The following CASC3 variants were observed in gnomAD, a reference collection of about 807,000 sequenced individuals.
The protein encoded by CASC3 is CASC3 exon junction complex subunit.
A neutral mutation model predicts 80.5 loss-of-function variants in CASC3; 30 were observed. The ratio of observed to expected loss-of-function variants is 0.37; its 90% CI spans 0.28 to 0.51. The LOEUF is 0.51. Ranked by LOEUF, CASC3 falls within the 20% of genes least tolerant of loss-of-function variation. The probability of loss-of-function intolerance (pLI) is 0.94; values close to 1 mark genes in which losing one functional copy is unlikely to be tolerated. For missense variants in CASC3, 824 were observed against 922.2 expected (o/e 0.89, Z 1.38); for synonymous variants, 312 against 333.6 (o/e 0.94, Z 0.70).
rs150707868 is a variant in CASC3 at position 40,165,493 on chromosome 17, C to T, written c.1472-1304C>T. ...ACAGATGGAAGACACTGCACCTGCCCGGTCATCATTGAGCCTCCTGAGTAC... is the reference window on the plus strand; with the variant it reads ...ACAGATGGAAGACACTGCACCTGCCTGGTCATCATTGAGCCTCCTGAGTAC... On this transcript the variant is annotated intron_variant, in intron 7 of 13. Coordinates refer to ENST00000264645, the MANE Select transcript of CASC3 (RefSeq NM_007359.5). 3.8e-3 allele frequency among the ~76,000 whole-genome samples: 578 copies of T among 152,152 alleles called. 7 individuals are homozygous for T. Among genetic ancestry groups the T allele is most frequent in the African/African-American group, 0.012 (486 of 41,512 alleles).
At chr17:40,142,286 A>G (rs1170903934) in intron 3 of CASC3, among the ~76,000 whole-genome samples, 1 of 152,262 alleles carries the variant, frequency 6.6e-6, no homozygotes, top group Non-Finnish European at 1.5e-5. Context: ...TCCTATCTTT[A>G]GAGATCTTAC....
At chr17:40,140,940 G>A in intron 1 of CASC3, 161 bp downstream of exon 1, 1 of 649,918 alleles carries the variant, frequency 1.5e-6, no homozygotes, top group South Asian at 2.1e-5. Flanking sequence ...TTTGCATCCG[G>A]AGTTCCAAGG....
intron 3 of CASC3, among the ~76,000 whole-genome samples, chr17:40,156,586 G>A (rs1000708521): frequency 4.6e-5 from 7 of 152,102 alleles, no homozygotes; most frequent in Non-Finnish European, 1.0e-4. Context: ...CTACTTGGGA[G>A]GCTGAGGCAG....
intron 8 of CASC3, 112 bp from the exon 9 acceptor site, chr17:40,167,386 T>C (rs991178462): frequency 1.0e-5 from 7 of 669,836 alleles, no homozygotes; most frequent in Non-Finnish European, 1.6e-5. Context: ...TTTGCAAATA[T>C]CCATTAAATA....
chr17:40,162,934 G>C, intron 6 of CASC3, 33 bp downstream of exon 6: 2 of 1,600,870 alleles, frequency 1.2e-6, no homozygotes, highest in Middle Eastern at 1.7e-4. Flanking sequence ...GACCAGGCTG[G>C]GTATGGTGGC....
Position 40,162,631 on chromosome 17 carries a change from A to C in CASC3, c.609-94A>C, listed in dbSNP as rs980471505. On this transcript the variant is annotated intron_variant, in intron 5 of 13. Transcript: ENST00000264645. ...GATGAGGAGACTACGTAAAGTTCCT[A>C]TTGTCCCCCTGCCTCCCTGACCCAT... is the stretch of plus-strand genomic sequence containing the variant. The C allele has an allele frequency of 3.4e-6, 4 of 1,163,622 alleles. No homozygotes were observed. The Admixed American group carries it at 8.9e-5, about 26-fold the overall frequency. 72.1% of individuals were successfully genotyped at this position (1,163,622 alleles called of 1,614,324 possible).
intron 3 of CASC3, among the ~76,000 whole-genome samples, chr17:40,157,117 G>A (rs1007401525): frequency 7.2e-5 from 11 of 152,086 alleles, no homozygotes; most frequent in African/African-American, 2.4e-4. Flanking sequence ...AGGCCGAGGC[G>A]GGTGGATCAC....
intron 3 of CASC3, among the ~76,000 whole-genome samples, chr17:40,157,610 GGT>G (rs917784236): frequency 1.3e-5 from 2 of 152,126 alleles, no homozygotes; most frequent in African/African-American, 4.8e-5. Context: ...AGGAGGTGGA[GGT>G]TGCAGTGAGC....
chr17:40,144,089 C>A (rs1321143811), intron 3 of CASC3, among the ~76,000 whole-genome samples: 1 of 151,652 alleles, frequency 6.6e-6, no homozygotes, highest in Non-Finnish European at 1.5e-5. Context: ...CATTTTCAGT[C>A]TCTACTGAAA....
At chr17:40,157,084 G>T (rs1434926177) in intron 3 of CASC3, among the ~76,000 whole-genome samples, 1 of 152,088 alleles carries the variant, frequency 6.6e-6, no homozygotes, top group Non-Finnish European at 1.5e-5. Flanking sequence ...GGTGGCTCAC[G>T]CCTGTAATCC....
intron 3 of CASC3, among the ~76,000 whole-genome samples, chr17:40,152,491 T>C (rs1336571037): frequency 2.6e-5 from 4 of 151,702 alleles, no homozygotes; most frequent in African/African-American, 7.3e-5. Context: ...CCAGCTAGTT[T>C]TGTATTTTTA....
intron 6 of CASC3, among the ~76,000 whole-genome samples, chr17:40,163,130 C>T (rs1177816326): frequency 6.6e-6 from 1 of 150,916 alleles, no homozygotes; most frequent in Non-Finnish European, 1.5e-5. Context: ...ATTCTCTTTG[C>T]TTTTCTTTTT....
At chr17:40,169,021 C>A in intron 11 of CASC3, 1 of 292,478 alleles carries the variant, frequency 3.4e-6, no homozygotes, top group Non-Finnish European at 6.3e-6. Flanking sequence ...TGCTTAACTT[C>A]CACCACGTTG....
At chr17:40,161,116 A>G (rs1352264216) in intron 3 of CASC3, among the ~76,000 whole-genome samples, 2 of 151,492 alleles carry the variant, frequency 1.3e-5, no homozygotes, top group Non-Finnish European at 2.9e-5. Context: ...AGCAGCTGGG[A>G]TTACAGGTGC....
chr17:40,168,956 T>C (rs1000230553), intron 11 of CASC3: 8 of 203,262 alleles, frequency 3.9e-5, no homozygotes, highest in Admixed American at 1.6e-4. Context: ...ACCTGGTTTT[T>C]ACTCTATTGC....
chr17:40,142,919 C>T (rs976230676), intron 3 of CASC3, among the ~76,000 whole-genome samples: 2 of 150,228 alleles, frequency 1.3e-5, no homozygotes, highest in African/African-American at 2.4e-5. Context: ...AAACCCATCT[C>T]TACTAAAAAA....
chr17:40,140,607 C>T lies in CASC3; in HGVS notation c.59C>T (p.Ala20Val), dbSNP rs1009937642. The T allele has an allele frequency of 1.2e-6, 2 of 1,610,980 alleles. No individual in the cohort carries two copies. The highest frequency in any genetic ancestry group is 1.7e-6 in the Non-Finnish European group (2 of 1,179,464). The change falls in exon 1 of 14, where the codon GCT becomes GTT. Residue 20 changes from alanine to valine, a missense_variant. Ala to Val is a moderately conservative substitution (Grantham distance 64). Transcript: ENST00000264645. ...SQDTEDEESG[A>V]SGSDSGGSPL... ...GACACCGAGGACGAGGAATCTGGTGCTTCGGGCTCCGACAGCGGCGGCTCC... is the reference window on the plus strand; with the variant it reads ...GACACCGAGGACGAGGAATCTGGTGTTTCGGGCTCCGACAGCGGCGGCTCC...
chr17:40,161,811 C>A lies in CASC3; in HGVS notation c.356C>A (p.Ala119Asp). ...TCCAAAGTGGAGCTGAAATCAGAAG[C>A]TAATGATGCTGTTAATTCTTCAACA... ...ENSKVELKSE[A>D]NDAVNSSTKE... Residue 119 changes from alanine to aspartate, a missense_variant, in exon 4 of 14, where the codon GCT becomes GAT. Physicochemically the swap from Ala to Asp is moderately radical, Grantham distance 126. Transcript: ENST00000264645. 6.2e-7 allele frequency: 1 copy of A among 1,614,058 alleles called. No homozygotes were observed. The highest frequency in any genetic ancestry group is 8.5e-7 in the Non-Finnish European group (1 of 1,179,974).
At chr17:40,140,991 C>T (rs769855586) in intron 1 of CASC3, 6 of 632,236 alleles carry the variant, frequency 9.5e-6, no homozygotes, top group Non-Finnish European at 1.6e-5. Context: ...ATGGTAGAGC[C>T]GCTGGAGATG....
Sources: allele counts gnomAD v4.1 joint callset (sites outside exome capture counted in the v4.1 genomes callset), GRCh38; gene constraint gnomAD v4.1.1; transcripts MANE v1.5; gene names NCBI Gene and HGNC (gene_info 2026-07-23, HGNC 2026-07-21).